The following MYO18A variants were observed in gnomAD, a reference collection of about 807,000 sequenced individuals.
MYO18A encodes the protein myosin XVIIIA, also known as unconventional myosin-XVIIIa.
A neutral mutation model predicts 235.8 loss-of-function variants in MYO18A; 78 were observed. The ratio of observed to expected loss-of-function variants is 0.33; its 90% CI spans 0.28 to 0.40. The LOEUF is 0.40. Among genes scored for constraint, MYO18A ranks in the 10% least tolerant of loss-of-function variants. The probability of loss-of-function intolerance (pLI) is 1.00; values close to 1 mark genes in which losing one functional copy is unlikely to be tolerated. For missense variants in MYO18A, 2,215 were observed against 2,699.3 expected (o/e 0.82, Z 3.98); for synonymous variants, 977 against 1,077.8 (o/e 0.91, Z 1.83).
intron 40 of MYO18A, among the ~76,000 whole-genome samples, chr17:29,083,438 T>C (rs1435799655): frequency 1.3e-5 from 2 of 151,854 alleles, no homozygotes; most frequent in Non-Finnish European, 2.9e-5. Context: ...TTCTCCTCGA[T>C]ATAAATTTCC....
At chr17:29,094,452 TGTGGAAA>T in intron 30 of MYO18A, 191 bp downstream of exon 30, 3 of 632,352 alleles carry the variant, frequency 4.7e-6, no homozygotes, top group East Asian at 5.5e-5. Context: ...GATTTGTTTT[TGTGGAAA>T]GTTCCACGAG....
chr17:29,098,725 G>T, intron 23 of MYO18A, 101 bp downstream of exon 23: 1 of 1,458,920 alleles, frequency 6.9e-7, no homozygotes, highest in Non-Finnish European at 9.3e-7. Flanking sequence ...TTTCAAGGAT[G>T]ACAGCTCTCT....
At chr17:29,153,346 T>C (rs1460239756) in intron 2 of MYO18A, among the ~76,000 whole-genome samples, 2 of 152,196 alleles carry the variant, frequency 1.3e-5, no homozygotes, top group Non-Finnish European at 2.9e-5. Flanking sequence ...TCTCACTATG[T>C]TGCCCAGGCT....
At chr17:29,128,472 C>A (rs2067380081) in intron 2 of MYO18A, 1 of 1,288,876 alleles carries the variant, frequency 7.8e-7, no homozygotes. Flanking sequence ...TGGGAAGTCT[C>A]TGGGGGTATC....
intron 1 of MYO18A, among the ~76,000 whole-genome samples, chr17:29,170,994 C>T (rs2068390178): frequency 6.6e-6 from 1 of 152,130 alleles, no homozygotes; most frequent in Non-Finnish European, 1.5e-5. Flanking sequence ...GTATGATTCT[C>T]TTTATATGAA....
chr17:29,108,392 C>T (rs1307769674), intron 19 of MYO18A, among the ~76,000 whole-genome samples: 1 of 152,162 alleles, frequency 6.6e-6, no homozygotes. Flanking sequence ...CCTGATCTTA[C>T]CAGAGCCCAG....
chr17:29,147,889 C>CA (rs11389237), intron 2 of MYO18A, among the ~76,000 whole-genome samples: 37,920 of 87,244 alleles, frequency 0.43, 6,583 homozygotes, highest in Non-Finnish European at 0.46. Flanking sequence ...GCCTGGGTGA[C>CA]AAAAAAAAAA....
rs985527170 is a variant in MYO18A at position 29,121,647 on chromosome 17, G to C, written c.1271C>G (p.Thr424Ser). 5.1e-6 allele frequency: 8 copies of C among 1,572,900 alleles called. No individual in the cohort carries two copies. The highest frequency in any genetic ancestry group is 6.0e-6 in the Non-Finnish European group (7 of 1,159,382). Residue 424 changes from threonine to serine, a missense_variant, in exon 5 of 42, where the codon ACC becomes AGC. Transcript: ENST00000527372. This position sits in a 1 kb window ranked among gnomAD's most constrained non-coding sequence, Gnocchi z 4.2. ...VYLNESSVLHTLRQRYGASLL... is the reference protein window; with the variant it reads ...VYLNESSVLHSLRQRYGASLL... ...GCTAGCGCCATAGCGCTGGCGCAAG[G>C]TGTGCAGGACGCTGGACTCATTGAG...
At chr17:29,093,225 G>T in intron 32 of MYO18A, 98 bp downstream of exon 32, 2 of 1,192,384 alleles carry the variant, frequency 1.7e-6, no homozygotes, top group South Asian at 1.4e-5. Context: ...CCCCACCCCC[G>T]ACAGCTCTGT....
Position 29,073,860 on chromosome 17 carries a change from A to G in MYO18A, c.*910T>C, listed in dbSNP as rs1218049608. The G allele has an allele frequency of 6.3e-7, 1 of 1,591,248 alleles. No homozygotes were observed. The highest frequency in any genetic ancestry group is 8.6e-7 in the Non-Finnish European group (1 of 1,162,064). On this transcript the variant is annotated 3_prime_UTR_variant, in exon 42 of 42. Coordinates refer to ENST00000527372, the MANE Select transcript of MYO18A (RefSeq NM_078471.4). ...TTTCTGATCACAAGTCCTCAACCCC[A>G]AGCCTTCCCTCTCAAGTTGAGTTTA... is the stretch of plus-strand genomic sequence containing the variant.
intron 37 of MYO18A, among the ~76,000 whole-genome samples, chr17:29,089,643 G>T (rs1313499104): frequency 2.0e-5 from 3 of 152,162 alleles, no homozygotes; most frequent in African/African-American, 7.2e-5. Context: ...TTATGACCCT[G>T]CCAGAGAACC....
In MYO18A at chr17:29,120,666, G is replaced by T. The variant is rs1457202533; in HGVS notation, c.1678C>A (p.Leu560Ile). The T allele has an allele frequency of 1.2e-6, 2 of 1,613,904 alleles. No individual in the cohort carries two copies. The highest frequency in any genetic ancestry group is 8.5e-7 in the Non-Finnish European group (1 of 1,179,898). Residue 560 changes from leucine to isoleucine, a missense_variant, in exon 7 of 42, where the codon CTC becomes ATC. Physicochemically the swap from Leu to Ile is conservative, Grantham distance 5 (BLOSUM62 2). Transcript: ENST00000527372. This position sits in a 1 kb window ranked among gnomAD's most constrained non-coding sequence, Gnocchi z 4.2. ...CCAGCTTGGTCAAAGTCCAGGGAGA[G>T]GATCTGGGAGAAGCGGGTGGCATTG... ...NGNATRFSQI[L>I]SLDFDQAGQV...
chr17:29,128,809 G>A (rs936362293), intron 2 of MYO18A, among the ~76,000 whole-genome samples: 5 of 152,204 alleles, frequency 3.3e-5, no homozygotes, highest in African/African-American at 1.2e-4. Flanking sequence ...TCTATCCCCA[G>A]ACTTAGCATG....
chr17:29,074,151 C>G lies in MYO18A; in HGVS notation c.*619G>C. On this transcript the variant is annotated 3_prime_UTR_variant, in exon 42 of 42. Transcript: ENST00000527372. This position sits in a 1 kb window ranked among gnomAD's most constrained non-coding sequence, Gnocchi z 4.4. ...CGGCTCTCCTCACCAGCGTCTCCAG[C>G]TGCACAGAGAAAGGACTGCTCTCTG... 6.2e-7 allele frequency: 1 copy of G among 1,613,620 alleles called. No individual in the cohort carries two copies. The highest frequency in any genetic ancestry group is 8.5e-7 in the Non-Finnish European group (1 of 1,179,754).
chr17:29,112,116 C>T (rs2066945637), intron 15 of MYO18A, among the ~76,000 whole-genome samples: 1 of 152,206 alleles, frequency 6.6e-6, no homozygotes, highest in African/African-American at 2.4e-5. Context: ...AGTCCAAAGT[C>T]ACCAAAGACT....
In MYO18A at chr17:29,092,784, CGAGA is replaced by C. The variant is rs1555624108; in HGVS notation, c.5073+67_5073+70del. On this transcript the variant is annotated intron_variant, in intron 33 of 41. Transcript: ENST00000527372. Reference sequence around the variant, plus strand: ...AGGACTCAAGAACCACTGAGAGGAGCGAGAGAGAGAAAGAGAATGGAAAGGTAAG... The same window carrying C: ...AGGACTCAAGAACCACTGAGAGGAGCGAGAGAAAGAGAATGGAAAGGTAAG... 5.7e-6 allele frequency: 9 copies of C among 1,567,604 alleles called. 1 individual carries two copies. Among genetic ancestry groups the C allele is most frequent in the African/African-American group, 2.7e-5 (2 of 74,176 alleles).
At chr17:29,130,801 GT>G (rs2067454257) in intron 2 of MYO18A, among the ~76,000 whole-genome samples, 1 of 152,162 alleles carries the variant, frequency 6.6e-6, no homozygotes. Context: ...GAGAGTCCAG[GT>G]TTATTCAGGG....
At chr17:29,173,905 G>A (rs560784893) in intron 1 of MYO18A, among the ~76,000 whole-genome samples, 1 of 152,078 alleles carries the variant, frequency 6.6e-6, no homozygotes, top group Non-Finnish European at 1.5e-5. Flanking sequence ...CTGAGTAGCT[G>A]TGACTACAGG....
chr17:29,105,159 G>A (rs1400989053), intron 20 of MYO18A, among the ~76,000 whole-genome samples: 2 of 129,190 alleles, frequency 1.5e-5, no homozygotes, highest in Admixed American at 8.8e-5. Context: ...GCGACAGAAC[G>A]AGACTCTGTC....
Sources: allele counts gnomAD v4.1 joint callset (sites outside exome capture counted in the v4.1 genomes callset), GRCh38; gene constraint gnomAD v4.1.1; non-coding constraint Gnocchi (gnomAD v3.1); transcripts MANE v1.5; gene names NCBI Gene and HGNC (gene_info 2026-07-23, HGNC 2026-07-21).